The following PDPN variants were observed in gnomAD, a reference collection of about 807,000 sequenced individuals.
The protein encoded by PDPN is podoplanin, also known as PA2.26 antigen.
Under a neutral mutation model 23.2 loss-of-function variants are expected in PDPN, and 12 were observed. The observed-to-expected ratio is 0.52, with a 90% CI of 0.33 to 0.84. The LOEUF (loss-of-function observed/expected upper bound fraction) is 0.84, where lower values mean the gene tolerates loss of function less well. Among genes scored for constraint, PDPN ranks in the 40% least tolerant of loss-of-function variants. The pLI is 0.02. For missense variants in PDPN, 199 were observed against 212.2 expected, an observed-to-expected ratio of 0.94 and a Z score of 0.39; for synonymous variants, 77 against 76.7, an observed-to-expected ratio of 1.00 and a Z score of -0.02.
At chr1:13,595,684 T>C in intron 1 of PDPN, 1 of 425,096 alleles carries the variant, frequency 2.4e-6, no homozygotes, top group South Asian at 1.7e-5. Flanking sequence ...CATCTCGTCA[T>C]TGGTCTCATC....
chr1:13,594,934 G>T (rs1443203942), intron 1 of PDPN, among the ~76,000 whole-genome samples: 1 of 151,222 alleles, frequency 6.6e-6, no homozygotes, highest in Non-Finnish European at 1.5e-5. Flanking sequence ...GGCAGAGCTT[G>T]CAGTGAGCTG....
intron 1 of PDPN, among the ~76,000 whole-genome samples, chr1:13,593,562 T>C (rs1040507715): frequency 2.6e-5 from 4 of 152,210 alleles, no homozygotes; most frequent in African/African-American, 9.6e-5. Flanking sequence ...GGGACGCTAG[T>C]GGAAACGGCC....
At chr1:13,610,821 G>A (rs1422920055) in intron 3 of PDPN, among the ~76,000 whole-genome samples, 5 of 152,080 alleles carry the variant, frequency 3.3e-5, no homozygotes, top group Non-Finnish European at 7.4e-5. Context: ...AGAACTTTGT[G>A]TTGACACCCA....
intron 1 of PDPN, among the ~76,000 whole-genome samples, chr1:13,605,956 T>A (rs564730870): frequency 6.6e-6 from 1 of 151,948 alleles, no homozygotes; most frequent in Non-Finnish European, 1.5e-5. Flanking sequence ...ACATCATTTG[T>A]CCAAATGTTA....
chr1:13,596,198 CA>C (rs74323863), intron 1 of PDPN, among the ~76,000 whole-genome samples: 3,622 of 68,042 alleles, frequency 0.053, 148 homozygotes, highest in East Asian at 0.3. Flanking sequence ...GACTCCGTCT[CA>C]AAAAAAAAAA....
intron 1 of PDPN, chr1:13,595,875 G>A (rs1294174183): frequency 7.8e-7 from 1 of 1,288,418 alleles, no homozygotes; most frequent in African/African-American, 1.5e-5. Flanking sequence ...ACAGCGGCAG[G>A]GACATCATAA....
intron 1 of PDPN, among the ~76,000 whole-genome samples, chr1:13,593,176 C>T (rs1640396565): frequency 6.6e-6 from 1 of 152,082 alleles, no homozygotes; most frequent in Middle Eastern, 3.4e-3. Context: ...GGAGGAAACA[C>T]GATAGACACA....
At chr1:13,598,231 G>T (rs986169036) in intron 1 of PDPN, among the ~76,000 whole-genome samples, 3 of 151,912 alleles carry the variant, frequency 2.0e-5, no homozygotes, top group Non-Finnish European at 2.9e-5. Context: ...TGGCCAGACT[G>T]GTCGCTAACC....
rs758369198 is a variant in PDPN at position 13,610,373 on chromosome 1, T to TA, written c.202-13dup. 1.3e-5 allele frequency: 21 copies of TA among 1,610,078 alleles called. No individual in the cohort carries two copies. The East Asian group carries it at 4.7e-4, about 36-fold the overall frequency. ...GCTTTATTTCCTGTTTTTCCTCATTTACACCTACAATAGGTGGCAACAAGT... is the reference window on the plus strand; with the variant it reads ...GCTTTATTTCCTGTTTTTCCTCATTTAACACCTACAATAGGTGGCAACAAGT... On this transcript the variant is annotated splice_polypyrimidine_tract_variant and intron_variant, in intron 2 of 5. Coordinates refer to ENST00000621990, the MANE Select transcript of PDPN (RefSeq NM_006474.5).
rs1640108167 is a variant in PDPN, at chr1:13,583,979, C to G, written c.-55C>G. The G allele has an allele frequency of 1.2e-6, 2 of 1,613,750 alleles. No homozygotes were observed. The highest frequency in any genetic ancestry group is 2.2e-5 in the East Asian group (1 of 44,876). ...GGCCGCGGTGCTTTTTAATTTTCCC[C>G]CAGCTCAGAATCTTGCTGCTCGGCC... On this transcript the variant is annotated 5_prime_UTR_variant, in exon 1 of 6. Transcript: ENST00000621990.
At chr1:13,598,827 A>G (rs971295804) in intron 1 of PDPN, among the ~76,000 whole-genome samples, 3 of 152,108 alleles carry the variant, frequency 2.0e-5, no homozygotes, top group Admixed American at 6.6e-5. Context: ...AGTGCCTGGT[A>G]TGTGCCAGGG....
At chr1:13,593,127 C>T (rs375255932) in intron 1 of PDPN, among the ~76,000 whole-genome samples, 1 of 151,756 alleles carries the variant, frequency 6.6e-6, no homozygotes, top group African/African-American at 2.4e-5. Context: ...TAAAAGAGCA[C>T]GAGGTAGGTA....
chr1:13,597,734 G>A (rs1640533204), intron 1 of PDPN, among the ~76,000 whole-genome samples: 1 of 152,158 alleles, frequency 6.6e-6, no homozygotes, highest in Non-Finnish European at 1.5e-5. Context: ...CACTTTGGGA[G>A]GCCAAGGTGG....
At chr1:13,589,801 C>G (rs539117538) in intron 1 of PDPN, among the ~76,000 whole-genome samples, 1 of 151,638 alleles carries the variant, frequency 6.6e-6, no homozygotes, top group African/African-American at 2.4e-5. Flanking sequence ...TCTTACCTTA[C>G]GGCAGCAAAC....
chr1:13,616,272 G>T lies in PDPN; in HGVS notation c.*361G>T. The T allele has an allele frequency of 3.7e-6, 1 of 273,550 alleles. No homozygotes were observed. The highest frequency in any genetic ancestry group is 6.9e-6 in the Non-Finnish European group (1 of 144,126). The allele number at this position is 273,550 out of a possible 1,614,324, so 16.9% of individuals were successfully genotyped here. A position where few individuals can be genotyped will look rare whatever the true frequency, so the allele number is the denominator to read the frequency against. ...CATGTGTCTCCGTCTGACCATTCTT[G>T]TTATTGTTAAAATGCAGAGGAATCT... On this transcript the variant is annotated 3_prime_UTR_variant, in exon 6 of 6. Transcript: ENST00000621990.
chr1:13,603,438 TA>T (rs1167360763), intron 1 of PDPN, among the ~76,000 whole-genome samples: 1 of 152,180 alleles, frequency 6.6e-6, no homozygotes, highest in Non-Finnish European at 1.5e-5. Context: ...AGCGAGTTAT[TA>T]GACATGAATG....
intron 1 of PDPN, chr1:13,584,325 A>G (rs1050440661): frequency 6.7e-7 from 1 of 1,493,644 alleles, no homozygotes. Context: ...GGAGCCCCGG[A>G]ATCCACAGGC....
chr1:13,611,071 A>C (rs1388139690), intron 3 of PDPN, among the ~76,000 whole-genome samples: 4 of 151,994 alleles, frequency 2.6e-5, no homozygotes, highest in African/African-American at 7.2e-5. Flanking sequence ...AATACTAAAA[A>C]TCAGCCGGGA....
Position 13,595,921 on chromosome 1 carries a change from G to A in PDPN, c.68-11252G>A. 1.0e-5 allele frequency: 13 copies of A among 1,269,004 alleles called. No homozygotes were observed. The South Asian group carries it at 1.4e-4, about 13-fold the overall frequency. The allele number at this position is 1,269,004 out of a possible 1,614,324, so 78.6% of individuals were successfully genotyped here. On this transcript the variant is annotated intron_variant, in intron 1 of 5. Transcript: ENST00000621990. ...TAATTTTAAAGAAGTGTTCCGGCCG[G>A]GTGCAGTGGCTCACAACTGTAATCC... is the stretch of plus-strand genomic sequence containing the variant.
Sources: allele counts gnomAD v4.1 joint callset (sites outside exome capture counted in the v4.1 genomes callset), GRCh38; gene constraint gnomAD v4.1.1; transcripts MANE v1.5; gene names NCBI Gene and HGNC (gene_info 2026-07-23, HGNC 2026-07-21).